Variants in RAB30 observed in about 807,000 individuals in gnomAD.
RAB30 encodes RAB30, member RAS oncogene family.
In RAB30, 9 loss-of-function variants were observed where a neutral mutation model predicts 25.1. The ratio of observed to expected loss-of-function variants is 0.36; its 90% CI spans 0.22 to 0.63. The LOEUF (loss-of-function observed/expected upper bound fraction) is 0.63, where lower values mean the gene tolerates loss of function less well. Among genes scored for constraint, RAB30 ranks in the 20% least tolerant of loss-of-function variants. The probability of loss-of-function intolerance (pLI) is 0.69; values close to 1 mark genes in which losing one functional copy is unlikely to be tolerated. For synonymous variants in RAB30, 77 were observed against 86.4 expected, an observed-to-expected ratio of 0.89 and a Z score of 0.60; for missense variants, 140 against 243.5, an observed-to-expected ratio of 0.58 and a Z score of 2.83.
chr11:82,990,614 T>C (rs17144464), intron 3 of RAB30, among the ~76,000 whole-genome samples: 2,890 of 152,324 alleles, frequency 0.019, 86 homozygotes, highest in African/African-American at 0.065. Context: ...TCAACATAGA[T>C]CTGACTGGAA....
intron 1 of RAB30, chr11:83,038,700 A>G (rs1858040260): frequency 6.6e-6 from 1 of 152,138 alleles, no homozygotes; most frequent in Non-Finnish European, 1.5e-5. Flanking sequence ...GGGCGCCTAT[A>G]ATCCCAGCTA....
chr11:83,070,266 T>G (rs1858803980), intron 1 of RAB30, among the ~76,000 whole-genome samples: 1 of 152,174 alleles, frequency 6.6e-6, no homozygotes, highest in African/African-American at 2.4e-5. Context: ...AGCTGCTCAT[T>G]GGCATCCCAA....
intron 4 of RAB30, among the ~76,000 whole-genome samples, chr11:82,984,334 G>A (rs899084848): frequency 4.6e-5 from 7 of 152,194 alleles, no homozygotes; most frequent in Non-Finnish European, 1.0e-4. Context: ...CTCCTATGGG[G>A]TATTGAGGCT....
chr11:82,992,133 A>G (rs1282343469), intron 3 of RAB30, among the ~76,000 whole-genome samples: 1 of 152,144 alleles, frequency 6.6e-6, no homozygotes, highest in African/African-American at 2.4e-5. Context: ...ATCTTTACCC[A>G]ACTCCTTGGG....
chr11:82,987,779 G>T lies in RAB30; in HGVS notation c.178-9C>A. ...GTGTCCCAGATCTGTAGCTGTAAAG[G>T]CATAAGATAAGAATCAGGTGAAGAA... is the stretch of plus-strand genomic sequence containing the variant. On this transcript the variant is annotated splice_polypyrimidine_tract_variant and intron_variant, in intron 3 of 4. Transcript: ENST00000527633. 1.9e-6 allele frequency: 3 copies of T among 1,575,868 alleles called. No individual in the cohort carries two copies. The highest frequency in any genetic ancestry group is 2.6e-6 in the Non-Finnish European group (3 of 1,153,170).
intron 1 of RAB30, among the ~76,000 whole-genome samples, chr11:83,007,629 A>G (rs2121485702): frequency 6.6e-6 from 1 of 152,260 alleles, no homozygotes; most frequent in African/African-American, 2.4e-5. Flanking sequence ...CACTAAGCAC[A>G]GATTTGGTTT....
At chr11:82,991,923 T>C (rs1179153993) in intron 3 of RAB30, among the ~76,000 whole-genome samples, 2 of 152,140 alleles carry the variant, frequency 1.3e-5, no homozygotes, top group African/African-American at 4.8e-5. Flanking sequence ...TTGCAGAAAG[T>C]AGAATAAATG....
chr11:82,990,883 T>A (rs1856837372), intron 3 of RAB30, among the ~76,000 whole-genome samples: 1 of 152,198 alleles, frequency 6.6e-6, no homozygotes, highest in African/African-American at 2.4e-5. Context: ...ACCTTCATAA[T>A]GCAGACCCTT....
intron 1 of RAB30, among the ~76,000 whole-genome samples, chr11:83,053,911 G>A (rs1052500170): frequency 6.6e-5 from 10 of 152,244 alleles, no homozygotes; most frequent in East Asian, 1.9e-4. Context: ...CCAACATGAC[G>A]AAACCCCGTC....
At chr11:83,009,687 A>G (rs1488410434) in intron 1 of RAB30, among the ~76,000 whole-genome samples, 1 of 152,244 alleles carries the variant, frequency 6.6e-6, no homozygotes, top group Non-Finnish European at 1.5e-5. Flanking sequence ...AGATAAACAG[A>G]TAAATAAATG....
rs1419971594 is a variant in RAB30, at chr11:82,979,412, A to C, written c.*2753T>G. 1 of 152,186 alleles carries C rather than the reference A, an allele frequency of 6.6e-6. No homozygotes were observed. The highest frequency in any genetic ancestry group is 1.5e-5 in the Non-Finnish European group (1 of 68,026). The allele number at this position is 152,186 out of a possible 1,614,324, so 9.4% of individuals were successfully genotyped here. ...ATTTCTCTTTTTTCATCCACCACTA[A>C]ATGAGAGTTCATTTTTATCTAAAGA... On this transcript the variant is annotated 3_prime_UTR_variant, in exon 5 of 5. Transcript: ENST00000527633.
chr11:83,011,819 T>C (rs1300695133), intron 1 of RAB30, among the ~76,000 whole-genome samples: 1 of 152,176 alleles, frequency 6.6e-6, no homozygotes. Context: ...CCCTGCCTTC[T>C]TCCTGCCTCC....
At chr11:83,011,345 T>G (rs546502732) in intron 1 of RAB30, among the ~76,000 whole-genome samples, 58 of 151,934 alleles carry the variant, frequency 3.8e-4, no homozygotes, top group Non-Finnish European at 7.8e-4. Flanking sequence ...ATTTCAATTT[T>G]GAGAAACCAG....
chr11:83,053,530 T>C (rs909115312), intron 1 of RAB30, among the ~76,000 whole-genome samples: 1 of 152,036 alleles, frequency 6.6e-6, no homozygotes, highest in Non-Finnish European at 1.5e-5. Flanking sequence ...TTTTGAAGCA[T>C]AACCATCTGT....
chr11:83,066,563 T>A (rs992586515), intron 1 of RAB30, among the ~76,000 whole-genome samples: 1 of 152,184 alleles, frequency 6.6e-6, no homozygotes, highest in Admixed American at 6.5e-5. Context: ...TACTTTTTTT[T>A]GTTTTGAGAC....
At chr11:83,029,867 G>A (rs1857812613) in intron 1 of RAB30, among the ~76,000 whole-genome samples, 1 of 152,074 alleles carries the variant, frequency 6.6e-6, no homozygotes, top group Admixed American at 6.5e-5. Context: ...GCCATAAAAA[G>A]GAATAGAATA....
chr11:83,046,623 A>G (rs1388536725), intron 1 of RAB30, among the ~76,000 whole-genome samples: 1 of 152,034 alleles, frequency 6.6e-6, no homozygotes, highest in Non-Finnish European at 1.5e-5. Flanking sequence ...TCTCCTGAGT[A>G]GCTACAACTA....
intron 3 of RAB30, among the ~76,000 whole-genome samples, chr11:82,989,488 G>A (rs892054019): frequency 2.6e-5 from 4 of 152,170 alleles, no homozygotes; most frequent in East Asian, 1.9e-4. Context: ...CAGATGTTAC[G>A]GTTTTTGCTG....
At chr11:83,014,383 A>G (rs1367614075) in intron 1 of RAB30, among the ~76,000 whole-genome samples, 1 of 151,970 alleles carries the variant, frequency 6.6e-6, no homozygotes, top group Non-Finnish European at 1.5e-5. Flanking sequence ...CCTCATCTCT[A>G]CAAAAAATTT....
Sources: gnomAD v4.1 joint callset for allele counts (sites outside exome capture counted in the v4.1 genomes callset) on GRCh38, gnomAD v4.1.1 for gene constraint, MANE v1.5 for transcripts, NCBI Gene and HGNC (gene_info 2026-07-23, HGNC 2026-07-21) for gene names.